Variants in CNTNAP3 observed in about 807,000 individuals in gnomAD.
CNTNAP3 encodes contactin associated protein family member 3, also known as contactin-associated protein-like 3.
A neutral mutation model predicts 92.1 loss-of-function variants in CNTNAP3; 36 were observed. The observed-to-expected ratio is 0.39, with a 90% CI of 0.30 to 0.52. The LOEUF is 0.52. Ranked by LOEUF, CNTNAP3 falls within the 20% of genes least tolerant of loss-of-function variation. The probability of loss-of-function intolerance (pLI) is 0.76; values close to 1 mark genes in which losing one functional copy is unlikely to be tolerated. For missense variants in CNTNAP3, 534 were observed against 1,069.6 expected (o/e 0.50, Z 6.98); for synonymous variants, 232 against 422.3 (o/e 0.55, Z 5.53).
intron 13 of CNTNAP3, among the ~76,000 whole-genome samples, chr9:39,119,908 G>T (rs1227323547): frequency 6.6e-6 from 1 of 152,096 alleles, no homozygotes; most frequent in African/African-American, 2.4e-5. Context: ...CCATCAATAG[G>T]CTTTATCTAA....
chr9:39,136,690 C>T (rs1315019465), intron 12 of CNTNAP3, among the ~76,000 whole-genome samples: 2 of 152,052 alleles, frequency 1.3e-5, no homozygotes, highest in Non-Finnish European at 2.9e-5. Flanking sequence ...CACCTTAGTT[C>T]GGGAGTTCAA....
chr9:39,146,703 GCAAA>G (rs201937339), intron 10 of CNTNAP3, among the ~76,000 whole-genome samples: 145 of 151,872 alleles, frequency 9.5e-4, no homozygotes, highest in Non-Finnish European at 1.5e-3. Context: ...AAACAAACAA[GCAAA>G]CAAACAAACA....
rs777838951 is a variant in CNTNAP3 at position 39,108,134 on chromosome 9, CT to C, written c.2365+1025del. Among the ~76,000 whole-genome samples the C allele has an allele frequency of 5.3e-5, 8 of 152,184 alleles. No individual in the cohort carries two copies. In the East Asian group the frequency reaches 5.8e-4, roughly 11 times the overall value. ...GTCAGAATATTTGCATTGGTTCCCC[CT>C]ATCTCCAAATTTCACAGGGCAACAC... On this transcript the variant is annotated intron_variant, in intron 15 of 23. Coordinates refer to ENST00000297668, the MANE Select transcript of CNTNAP3 (RefSeq NM_033655.5).
Position 39,117,882 on chromosome 9 carries a change from T to TA in CNTNAP3, c.2237+220dup, listed in dbSNP as rs1820896971. 5 of 1,043,854 alleles carry TA rather than the reference T, an allele frequency of 4.8e-6. No individual in the cohort carries two copies. In the East Asian group the frequency reaches 9.1e-5, roughly 19 times the overall value. The allele number at this position is 1,043,854 out of a possible 1,614,324, so 64.7% of individuals were successfully genotyped here. ...ACAGCTGTTTCTCTTTTACGAAAAA[T>TA]AAAAAACACATTATATAGTATTCAC... On this transcript the variant is annotated intron_variant, in intron 14 of 23. Transcript: ENST00000297668.
chr9:39,070,707 T>A lies in CNTNAP3; in HGVS notation c.*3183A>T, dbSNP rs1346537997. 6.6e-6 allele frequency among the ~76,000 whole-genome samples: 1 copy of A among 152,256 alleles called. No homozygotes were observed. Among genetic ancestry groups the A allele is most frequent in the Non-Finnish European group, 1.5e-5 (1 of 68,034 alleles). Reference sequence around the variant, plus strand: ...TGTTTGTAACACAAAGGATAAATGTTGAGGGGATGGATACCCCATTCTCCA... The same window carrying A: ...TGTTTGTAACACAAAGGATAAATGTAGAGGGGATGGATACCCCATTCTCCA... On this transcript the variant is annotated 3_prime_UTR_variant, in exon 24 of 24. Coordinates refer to ENST00000297668, the MANE Select transcript of CNTNAP3 (RefSeq NM_033655.5).
chr9:39,127,522 T>C (rs1821179085), intron 13 of CNTNAP3, among the ~76,000 whole-genome samples: 1 of 152,108 alleles, frequency 6.6e-6, no homozygotes, highest in Non-Finnish European at 1.5e-5. Flanking sequence ...AAAACTTCTA[T>C]CAAGACTGAC....
At position 39,097,347 on chromosome 9, in the gene CNTNAP3, G is replaced by C. The variant is rs563999727; in HGVS notation, c.2995+2564C>G. On this transcript the variant is annotated intron_variant, in intron 18 of 23. Transcript: ENST00000297668. ...GAATGTGCCTCACTGCTCTGAAGCTGTGGGGAGTGAGAGTGGCCTGCTCCT... is the reference window on the plus strand; with the variant it reads ...GAATGTGCCTCACTGCTCTGAAGCTCTGGGGAGTGAGAGTGGCCTGCTCCT... Among the ~76,000 whole-genome samples the C allele has an allele frequency of 3.1e-3, 469 of 152,128 alleles. 1 individual carries two copies. Among genetic ancestry groups the C allele is most frequent in the African/African-American group, 0.011 (439 of 41,506 alleles).
chr9:39,154,024 C>T (rs1473242827), intron 9 of CNTNAP3: 1 of 131,310 alleles, frequency 7.6e-6, no homozygotes, highest in Admixed American at 7.9e-5. Flanking sequence ...ATTAACCTGG[C>T]TACCCATGGG....
chr9:39,093,471 C>A (rs1692883), intron 18 of CNTNAP3, among the ~76,000 whole-genome samples: 3 of 151,022 alleles, frequency 2.0e-5, no homozygotes, highest in Non-Finnish European at 3.0e-5. Context: ...TCTTTTGATA[C>A]CCAAAATTTG....
chr9:39,136,381 C>T (rs1415102174), intron 12 of CNTNAP3, among the ~76,000 whole-genome samples: 2 of 152,018 alleles, frequency 1.3e-5, no homozygotes, highest in Admixed American at 1.3e-4. Flanking sequence ...CAGGAGCATA[C>T]ATATTAAGGT....
Sources: gnomAD v4.1 joint callset for allele counts (sites outside exome capture counted in the v4.1 genomes callset) on GRCh38, gnomAD v4.1.1 for gene constraint, MANE v1.5 for transcripts, NCBI Gene and HGNC (gene_info 2026-07-23, HGNC 2026-07-21) for gene names.